WDPCP: variants seen among roughly 807,000 people sequenced by gnomAD.
WDPCP encodes the protein WD repeat-containing and planar cell polarity effector protein fritz homolog.
In WDPCP, 71 loss-of-function variants were observed where a neutral mutation model predicts 93.1. The observed-to-expected ratio is 0.76, with a 90% CI of 0.63 to 0.93. WDPCP has a LOEUF of 0.93. WDPCP is among the 40% of genes least tolerant of loss of function. WDPCP has a pLI of 0.00. For missense variants in WDPCP, 844 were observed against 887.4 expected (o/e 0.95, Z 0.62); for synonymous variants, 315 against 315.0 (o/e 1.00, Z 0.00).
intron 12 of WDPCP, among the ~76,000 whole-genome samples, chr2:63,372,889 C>T (rs879602139): frequency 2.6e-5 from 4 of 152,130 alleles, no homozygotes; most frequent in South Asian, 2.1e-4. Context: ...TTTGGGAGGC[C>T]GAGGCGGGTG....
chr2:63,444,883 C>A (rs757269275), intron 6 of WDPCP, among the ~76,000 whole-genome samples: 5 of 152,152 alleles, frequency 3.3e-5, no homozygotes, highest in Non-Finnish European at 7.4e-5. Flanking sequence ...CTTTATGTTG[C>A]CTTTCTCATT....
intron 12 of WDPCP, among the ~76,000 whole-genome samples, chr2:63,365,461 T>C (rs1343095255): frequency 1.3e-5 from 2 of 152,164 alleles, no homozygotes; most frequent in African/African-American, 4.8e-5. Context: ...GTTCTTTCCA[T>C]GACAAAGTTA....
At chr2:63,158,861 G>T (rs1445748033) in intron 15 of WDPCP, among the ~76,000 whole-genome samples, 6 of 151,546 alleles carry the variant, frequency 4.0e-5, no homozygotes, top group Non-Finnish European at 5.9e-5. Context: ...TGGGGGCCAG[G>T]CATGGTGGCT....
Position 63,140,436 on chromosome 2 carries a change from A to C in WDPCP, c.2190+12478T>G, listed in dbSNP as rs543396045. Among the ~76,000 whole-genome samples, 4 of 152,204 alleles carry C rather than the reference A, an allele frequency of 2.6e-5. No individual in the cohort carries two copies. In the South Asian group the frequency reaches 8.3e-4, roughly 32 times the overall value. Reference sequence around the variant, plus strand: ...CATTTTCACAATATTGATTCTACCCATTCATGAGCATGGGATGTGTTTCCG... The same window carrying C: ...CATTTTCACAATATTGATTCTACCCCTTCATGAGCATGGGATGTGTTTCCG... On this transcript the variant is annotated intron_variant, in intron 17 of 17. Coordinates refer to ENST00000272321, the MANE Select transcript of WDPCP (RefSeq NM_015910.7).
intron 6 of WDPCP, among the ~76,000 whole-genome samples, chr2:63,472,444 G>C (rs1387514852): frequency 1.3e-5 from 2 of 150,918 alleles, no homozygotes; most frequent in Admixed American, 6.6e-5. Context: ...TATCACCTTT[G>C]GTTCATTATC....
chr2:63,367,361 G>A (rs1316534925), intron 12 of WDPCP, among the ~76,000 whole-genome samples: 2 of 151,920 alleles, frequency 1.3e-5, no homozygotes, highest in Non-Finnish European at 2.9e-5. Flanking sequence ...AATAGTGACA[G>A]GAATATATGA....
chr2:63,177,431 A>C (rs1209306875), intron 14 of WDPCP, among the ~76,000 whole-genome samples: 1 of 152,110 alleles, frequency 6.6e-6, no homozygotes. Flanking sequence ...AGTGTTTTCT[A>C]GTTTTAAGTC....
intron 3 of WDPCP, chr2:63,594,919 A>G (rs1709275418): frequency 3.8e-6 from 1 of 264,072 alleles, no homozygotes; most frequent in Non-Finnish European, 7.3e-6. Flanking sequence ...TTGTTCATAA[A>G]TGGCCTTTGG....
chr2:63,576,145 G>A (rs923063952), intron 1 of WDPCP, among the ~76,000 whole-genome samples: 8 of 152,204 alleles, frequency 5.3e-5, no homozygotes, highest in Admixed American at 2.0e-4. Context: ...TACCAAATGC[G>A]TTGTCCTATA....
intron 6 of WDPCP, among the ~76,000 whole-genome samples, chr2:63,451,038 AGTAT>A (rs1421000512): frequency 6.6e-6 from 1 of 152,136 alleles, no homozygotes; most frequent in Non-Finnish European, 1.5e-5. Flanking sequence ...AGATTTCAAA[AGTAT>A]GATACTAAAG....
chr2:63,793,756 C>T (rs1670576204), intron 2 of WDPCP, among the ~76,000 whole-genome samples: 2 of 151,934 alleles, frequency 1.3e-5, no homozygotes, highest in South Asian at 2.1e-4. Flanking sequence ...AATGTTTATT[C>T]TTTCCGGGAC....
chr2:63,643,346 G>T, intron 3 of WDPCP: 1 of 387,374 alleles, frequency 2.6e-6, no homozygotes, highest in Non-Finnish European at 4.9e-6. Flanking sequence ...CCTCAGGGAG[G>T]AGAAGTTCAT....
chr2:63,221,324 T>C (rs940793610), intron 14 of WDPCP, among the ~76,000 whole-genome samples: 1 of 152,182 alleles, frequency 6.6e-6, no homozygotes, highest in African/African-American at 2.4e-5. Context: ...TGTAATGCTT[T>C]CCACAATTGC....
At chr2:63,472,137 C>T (rs1034847016) in intron 6 of WDPCP, among the ~76,000 whole-genome samples, 1 of 151,768 alleles carries the variant, frequency 6.6e-6, no homozygotes, top group African/African-American at 2.4e-5. Context: ...ATCCTGATTC[C>T]CAATCTTTTG....
chr2:63,489,974 A>G (rs1048328650), intron 2 of WDPCP, among the ~76,000 whole-genome samples: 12 of 152,094 alleles, frequency 7.9e-5, no homozygotes, highest in African/African-American at 2.9e-4. Flanking sequence ...ATTATGCACC[A>G]CCTGATAGGA....
chr2:63,383,224 T>C (rs1201861128), intron 10 of WDPCP, among the ~76,000 whole-genome samples: 1 of 152,112 alleles, frequency 6.6e-6, no homozygotes, highest in African/African-American at 2.4e-5. Context: ...TCTAAAATTA[T>C]GTAATCCAGA....
chr2:63,324,815 C>G (rs1687404429), intron 12 of WDPCP, among the ~76,000 whole-genome samples: 1 of 152,150 alleles, frequency 6.6e-6, no homozygotes, highest in South Asian at 2.1e-4. Flanking sequence ...ATCTGTTGAC[C>G]TGTGTTCTAG....
At chr2:63,603,833 T>A (rs1709477329) in intron 3 of WDPCP, among the ~76,000 whole-genome samples, 1 of 152,108 alleles carries the variant, frequency 6.6e-6, no homozygotes, top group South Asian at 2.1e-4. Flanking sequence ...AACTTTGTAT[T>A]TTTAGTAGAG....
At chr2:63,463,487 G>A (rs1370612999) in intron 6 of WDPCP, among the ~76,000 whole-genome samples, 1 of 152,174 alleles carries the variant, frequency 6.6e-6, no homozygotes, top group Admixed American at 6.5e-5. Context: ...GAAGAGTTGA[G>A]CCTGTTTAAA....
Sources: gnomAD v4.1 joint callset for allele counts (sites outside exome capture counted in the v4.1 genomes callset) on GRCh38, gnomAD v4.1.1 for gene constraint, MANE v1.5 for transcripts, NCBI Gene and HGNC (gene_info 2026-07-23, HGNC 2026-07-21) for gene names.